Variants in PLGRKT observed in about 807,000 individuals in gnomAD.
PLGRKT encodes plasminogen receptor with a C-terminal lysine.
In PLGRKT, 22 loss-of-function variants were observed where a neutral mutation model predicts 18.5. The observed-to-expected ratio is 1.19, with a 90% CI of 0.85 to 1.70. The LOEUF (loss-of-function observed/expected upper bound fraction) is 1.70, where lower values mean the gene tolerates loss of function less well. Ranked by LOEUF, PLGRKT falls within the 40% of genes most tolerant of loss-of-function variation. PLGRKT has a pLI of 0.00. For missense variants in PLGRKT, 235 were observed against 174.4 expected (o/e 1.35, Z -1.96); for synonymous variants, 72 against 52.8 (o/e 1.36, Z -1.58).
chr9:5,431,623 T>C (rs1175827405), intron 3 of PLGRKT, among the ~76,000 whole-genome samples: 2 of 151,554 alleles, frequency 1.3e-5, no homozygotes, highest in African/African-American at 4.8e-5. Context: ...TCAAACATTA[T>C]CTTTGGGGGT....
At chr9:5,374,780 A>G (rs941163884) in intron 3 of PLGRKT, among the ~76,000 whole-genome samples, 2 of 152,232 alleles carry the variant, frequency 1.3e-5, no homozygotes, top group Non-Finnish European at 2.9e-5. Context: ...TTAGTTATCC[A>G]TTTCTGGAAA....
chr9:5,390,541 G>C (rs757578140), intron 3 of PLGRKT, among the ~76,000 whole-genome samples: 2 of 151,840 alleles, frequency 1.3e-5, no homozygotes, highest in Non-Finnish European at 2.9e-5. Context: ...CTCTACAAAT[G>C]ATGTTTATTC....
At position 5,385,516 on chromosome 9, in the gene PLGRKT, T is replaced by A. The variant is rs1020834966; in HGVS notation, c.82-23628A>T. ...TTTAACTCTGGAATAATTAAAAGAT[T>A]CCCCTGTCTTGTTCTGTTTTGATCC... On this transcript the variant is annotated intron_variant, in intron 3 of 5. Coordinates refer to ENST00000223864, the MANE Select transcript of PLGRKT (RefSeq NM_018465.4). Among the ~76,000 whole-genome samples, 4 of 151,882 alleles carry A rather than the reference T, an allele frequency of 2.6e-5. 1 individual carries two copies. The highest frequency in any genetic ancestry group is 2.6e-4 in the Admixed American group (4 of 15,276).
At chr9:5,406,701 C>T (rs533258717) in intron 3 of PLGRKT, among the ~76,000 whole-genome samples, 3 of 152,064 alleles carry the variant, frequency 2.0e-5, no homozygotes, top group Admixed American at 2.0e-4. Flanking sequence ...CAGCAAACCA[C>T]CATGGTACAC....
Position 5,418,371 on chromosome 9 carries a change from G to A in PLGRKT, c.81+13526C>T. On this transcript the variant is annotated intron_variant, in intron 3 of 5. Coordinates refer to ENST00000223864, the MANE Select transcript of PLGRKT (RefSeq NM_018465.4). The surrounding 1 kb of genome is among the most constrained non-coding windows in gnomAD (Gnocchi z 4.2). Reference sequence around the variant, plus strand: ...AGAGACTTCCCTGCAGCCCTCTCCAGCCACAAGATGTCACAGTCAAGCGCT... The same window carrying A: ...AGAGACTTCCCTGCAGCCCTCTCCAACCACAAGATGTCACAGTCAAGCGCT... 1.3e-6 allele frequency: 1 copy of A among 748,044 alleles called. No individual in the cohort carries two copies. Among genetic ancestry groups the A allele is most frequent in the Non-Finnish European group, 2.4e-6 (1 of 423,006 alleles). The allele number at this position is 748,044 out of a possible 1,614,324, so 46.3% of individuals were successfully genotyped here.
At chr9:5,358,930 C>G (rs910243785) in intron 5 of PLGRKT, among the ~76,000 whole-genome samples, 3 of 152,138 alleles carry the variant, frequency 2.0e-5, no homozygotes, top group Non-Finnish European at 4.4e-5. Flanking sequence ...TGACATTTGC[C>G]AGGTTTTATT....
At chr9:5,422,928 T>C (rs1457684149) in intron 3 of PLGRKT, among the ~76,000 whole-genome samples, 1 of 152,202 alleles carries the variant, frequency 6.6e-6, no homozygotes, top group Non-Finnish European at 1.5e-5. Context: ...ATTGACAAGA[T>C]TATATCTTCA....
At chr9:5,410,649 A>G (rs929246520) in intron 3 of PLGRKT, among the ~76,000 whole-genome samples, 1 of 152,262 alleles carries the variant, frequency 6.6e-6, no homozygotes, top group African/African-American at 2.4e-5. Context: ...TCTATAAAAA[A>G]TGAATTAATT....
intron 3 of PLGRKT, among the ~76,000 whole-genome samples, chr9:5,363,395 G>A (rs1053679302): frequency 6.6e-6 from 1 of 151,852 alleles, no homozygotes; most frequent in African/African-American, 2.4e-5. Context: ...ACTCCCAAGT[G>A]TGTGTTATGG....
intron 3 of PLGRKT, among the ~76,000 whole-genome samples, chr9:5,424,881 G>C (rs1818666608): frequency 6.6e-6 from 1 of 150,944 alleles, no homozygotes; most frequent in Non-Finnish European, 1.5e-5. Flanking sequence ...TATTGACCAG[G>C]ATTATAGGCG....
At position 5,397,301 on chromosome 9, in the gene PLGRKT, C is replaced by A. The variant is rs536202328; in HGVS notation, c.81+34596G>T. ...CATGACTTTCCCCTCACTTTATTCA[C>A]GCTTCTATTCAAATACTTCTTTCCA... On this transcript the variant is annotated intron_variant, in intron 3 of 5. Coordinates refer to ENST00000223864, the MANE Select transcript of PLGRKT (RefSeq NM_018465.4). Among the ~76,000 whole-genome samples the A allele has an allele frequency of 2.6e-5, 4 of 152,038 alleles. No individual in the cohort carries two copies. In the South Asian group the frequency reaches 6.2e-4, roughly 24 times the overall value.
chr9:5,429,554 G>C (rs1187281978), intron 3 of PLGRKT, among the ~76,000 whole-genome samples: 1 of 152,188 alleles, frequency 6.6e-6, no homozygotes, highest in African/African-American at 2.4e-5. Context: ...GTAAACAGCT[G>C]TCTTCATATT....
chr9:5,386,981 G>A (rs1339602867), intron 3 of PLGRKT, among the ~76,000 whole-genome samples: 2 of 151,876 alleles, frequency 1.3e-5, no homozygotes, highest in South Asian at 2.1e-4. Context: ...GGAGAAAGTG[G>A]CAGAAGACAA....
chr9:5,424,169 T>C (rs1209902595), intron 3 of PLGRKT, among the ~76,000 whole-genome samples: 2 of 139,136 alleles, frequency 1.4e-5, no homozygotes, highest in Non-Finnish European at 3.0e-5. Flanking sequence ...ATATATATTA[T>C]ATATAGTAAT....
At chr9:5,432,748 T>G (rs1197719075) in intron 2 of PLGRKT, among the ~76,000 whole-genome samples, 3 of 152,206 alleles carry the variant, frequency 2.0e-5, no homozygotes, top group African/African-American at 4.8e-5. Context: ...TCTGCCCGCC[T>G]CGGCCTCCCG....
At chr9:5,382,045 C>T (rs1480701302) in intron 3 of PLGRKT, 8 of 979,758 alleles carry the variant, frequency 8.2e-6, no homozygotes, top group Admixed American at 6.1e-5. Flanking sequence ...AAAAAAAAGT[C>T]ATATTAGCCT....
At chr9:5,382,167 T>A (rs1275410337) in intron 3 of PLGRKT, 1 of 279,570 alleles carries the variant, frequency 3.6e-6, no homozygotes, top group Admixed American at 6.5e-5. Context: ...TTGCCATCCA[T>A]TCATGGAGAG....
chr9:5,395,686 G>C lies in PLGRKT; in HGVS notation c.82-33798C>G, dbSNP rs571804120. 4.0e-5 allele frequency among the ~76,000 whole-genome samples: 6 copies of C among 151,746 alleles called. No individual in the cohort carries two copies. In the South Asian group the frequency reaches 6.2e-4, roughly 16 times the overall value. On this transcript the variant is annotated intron_variant, in intron 3 of 5. Transcript: ENST00000223864. ...ATTTTCTTTTATCCTCTGAGCTATA[G>C]GACAGCATAATAACTTGTAAGCCTA...
chr9:5,377,115 C>T (rs3824435), intron 3 of PLGRKT, among the ~76,000 whole-genome samples: 62,241 of 151,844 alleles, frequency 0.41, 13,574 homozygotes, highest in African/African-American at 0.53. Flanking sequence ...TGAAATACAA[C>T]AAAATATCCT....
Sources: gnomAD v4.1 joint callset for allele counts (sites outside exome capture counted in the v4.1 genomes callset) on GRCh38, gnomAD v4.1.1 for gene constraint, Gnocchi (gnomAD v3.1) non-coding constraint, MANE v1.5 for transcripts, NCBI Gene and HGNC (gene_info 2026-07-23, HGNC 2026-07-21) for gene names.